Variants in DSCAM observed in about 807,000 individuals in gnomAD.
The protein encoded by DSCAM is cell adhesion molecule DSCAM.
A neutral mutation model predicts 217.7 loss-of-function variants in DSCAM; 47 were observed. The ratio of observed to expected loss-of-function variants is 0.22; its 90% CI spans 0.17 to 0.28. DSCAM has a LOEUF of 0.28. Ranked by LOEUF, DSCAM falls within the 10% of genes least tolerant of loss-of-function variation. The probability of loss-of-function intolerance (pLI) is 1.00; values close to 1 mark genes in which losing one functional copy is unlikely to be tolerated. For missense variants in DSCAM, 2,080 were observed against 2,618.3 expected (o/e 0.79, Z 4.49); for synonymous variants, 1,056 against 1,015.3 (o/e 1.04, Z -0.76).
At chr21:40,805,410 G>A (rs575622214) in intron 1 of DSCAM, among the ~76,000 whole-genome samples, 12 of 152,198 alleles carry the variant, frequency 7.9e-5, no homozygotes, top group African/African-American at 2.9e-4. Context: ...CTGACTTTTG[G>A]TGTGTTCAGG....
At chr21:40,079,963 G>C (rs1156526437) in intron 25 of DSCAM, among the ~76,000 whole-genome samples, 189 bp downstream of exon 25, 4 of 152,048 alleles carry the variant, frequency 2.6e-5, no homozygotes, top group Non-Finnish European at 4.4e-5. Context: ...AACAATAAAA[G>C]AGAGGACCAG....
chr21:40,326,483 C>T (rs73229109), intron 8 of DSCAM, among the ~76,000 whole-genome samples: 27 of 152,244 alleles, frequency 1.8e-4, no homozygotes, highest in Non-Finnish European at 2.2e-4. Flanking sequence ...CAAATGGGGA[C>T]GCTAGAGATG....
At chr21:40,657,900 G>C (rs1045915456) in intron 3 of DSCAM, among the ~76,000 whole-genome samples, 1 of 152,090 alleles carries the variant, frequency 6.6e-6, no homozygotes, top group African/African-American at 2.4e-5. Context: ...TTTGAGTTTT[G>C]AATTATAAAT....
intron 3 of DSCAM, among the ~76,000 whole-genome samples, chr21:40,436,232 T>C (rs2075581349): frequency 6.6e-6 from 1 of 152,224 alleles, no homozygotes; most frequent in Non-Finnish European, 1.5e-5. Flanking sequence ...TCTGTATCAA[T>C]TGTAGTGATG....
At chr21:40,424,483 C>T (rs548541669) in intron 3 of DSCAM, among the ~76,000 whole-genome samples, 2 of 152,272 alleles carry the variant, frequency 1.3e-5, no homozygotes, top group Admixed American at 6.5e-5. Context: ...TGCCAGCCAG[C>T]GCCAGGTGCC....
At chr21:40,412,808 G>A (rs1262594092) in intron 3 of DSCAM, among the ~76,000 whole-genome samples, 1 of 152,214 alleles carries the variant, frequency 6.6e-6, no homozygotes, top group Non-Finnish European at 1.5e-5. Flanking sequence ...AGACAATGGG[G>A]AAAATGTCTC....
chr21:40,312,234 T>C lies in DSCAM; in HGVS notation c.1909A>G (p.Ile637Val), dbSNP rs1333026107. The C allele has an allele frequency of 2.5e-6, 4 of 1,614,000 alleles. No homozygotes were observed. Among genetic ancestry groups the C allele is most frequent in the African/African-American group, 1.3e-5 (1 of 74,906 alleles). The change falls in exon 9 of 33, where the codon ATC (isoleucine) becomes GTC (valine). Residue 637 changes from isoleucine (I) to valine (V), a missense_variant. Physicochemically the swap from Ile to Val is conservative, Grantham distance 29 (BLOSUM62 3). Transcript: ENST00000400454. ...TITWQKDGRP[I>V]PGSLGVTIDN... Reference sequence around the variant, plus strand: ...ATGGTCACCCCAAGGCTCCCAGGGATTGGCCGGCCATCCTTCTGCCAGGTG... The same window carrying C: ...ATGGTCACCCCAAGGCTCCCAGGGACTGGCCGGCCATCCTTCTGCCAGGTG...
intron 3 of DSCAM, among the ~76,000 whole-genome samples, chr21:40,402,375 T>C (rs960705618): frequency 6.6e-6 from 1 of 151,900 alleles, no homozygotes; most frequent in Non-Finnish European, 1.5e-5. Flanking sequence ...GGCTAAAATA[T>C]ATTATTTTTA....
chr21:40,529,389 C>T (rs2076425661), intron 3 of DSCAM, among the ~76,000 whole-genome samples: 1 of 152,082 alleles, frequency 6.6e-6, no homozygotes, highest in Admixed American at 6.5e-5. Context: ...AATAGTTTTA[C>T]CTTTGCACAG....
At chr21:40,770,317 A>T (rs2091433424) in intron 1 of DSCAM, among the ~76,000 whole-genome samples, 1 of 152,208 alleles carries the variant, frequency 6.6e-6, no homozygotes, top group South Asian at 2.1e-4. Flanking sequence ...TCAACTTTTC[A>T]ATATTTTCTT....
At chr21:40,452,689 A>G (rs1391380301) in intron 3 of DSCAM, among the ~76,000 whole-genome samples, 3 of 152,064 alleles carry the variant, frequency 2.0e-5, no homozygotes, top group African/African-American at 4.8e-5. Context: ...TTCCCTACCA[A>G]TAGAAAAAAA....
chr21:40,786,140 G>T (rs2091591876), intron 1 of DSCAM, among the ~76,000 whole-genome samples: 1 of 152,152 alleles, frequency 6.6e-6, no homozygotes, highest in South Asian at 2.1e-4. Flanking sequence ...GGAGGCTGAG[G>T]CAGGAGAATT....
intron 18 of DSCAM, 148 bp from the exon 19 acceptor site, chr21:40,134,157 C>G (rs1568958508): frequency 2.0e-6 from 2 of 1,018,772 alleles, no homozygotes; most frequent in East Asian, 2.9e-5. Context: ...GGACTGTGCA[C>G]AGTCATCCTG....
At chr21:40,399,135 T>C (rs1009995821) in intron 3 of DSCAM, among the ~76,000 whole-genome samples, 1 of 152,154 alleles carries the variant, frequency 6.6e-6, no homozygotes, top group Non-Finnish European at 1.5e-5. Flanking sequence ...CTGGGTGTGA[T>C]GGCACATGCC....
intron 3 of DSCAM, among the ~76,000 whole-genome samples, chr21:40,623,128 T>C (rs1887943747): frequency 6.6e-6 from 1 of 152,178 alleles, no homozygotes; most frequent in African/African-American, 2.4e-5. Context: ...TGTTTACTCG[T>C]TCAATCAAAT....
At position 40,164,859 on chromosome 21, in the gene DSCAM, T is replaced by C. The variant is rs142020511; in HGVS notation, c.3018+2359A>G. On this transcript the variant is annotated intron_variant, in intron 16 of 32. Transcript: ENST00000400454. ...GTGGAAAGTTGCTTATTTTGATCAATAGAGGGTGTCATTACAGAAGCAGTG... is the reference window on the plus strand; with the variant it reads ...GTGGAAAGTTGCTTATTTTGATCAACAGAGGGTGTCATTACAGAAGCAGTG... Among the ~76,000 whole-genome samples the C allele has an allele frequency of 1.5e-3, 229 of 152,246 alleles. 1 individual carries two copies. Among genetic ancestry groups the C allele is most frequent in the Non-Finnish European group, 9.1e-4 (62 of 68,012 alleles).
intron 4 of DSCAM, among the ~76,000 whole-genome samples, chr21:40,366,099 T>G (rs1343713855): frequency 1.3e-5 from 2 of 152,212 alleles, no homozygotes; most frequent in Non-Finnish European, 2.9e-5. Flanking sequence ...CTCAAAAATT[T>G]TATTAGACTA....
intron 3 of DSCAM, among the ~76,000 whole-genome samples, chr21:40,650,192 C>G (rs2205139): frequency 0.91 from 138,907 of 152,258 alleles, 63,522 homozygotes; most frequent in African/African-American, 0.96. Flanking sequence ...TTCATCTGGA[C>G]AAGGCTTTAT....
intron 3 of DSCAM, among the ~76,000 whole-genome samples, chr21:40,528,723 C>T (rs2076419363): frequency 6.6e-6 from 1 of 152,010 alleles, no homozygotes; most frequent in African/African-American, 2.4e-5. Flanking sequence ...CTCCATCTGT[C>T]CTTTGTTTTT....
Sources: allele counts gnomAD v4.1 joint callset (sites outside exome capture counted in the v4.1 genomes callset), GRCh38; gene constraint gnomAD v4.1.1; transcripts MANE v1.5; gene names NCBI Gene and HGNC (gene_info 2026-07-23, HGNC 2026-07-21).